The following CDKAL1 variants were observed in gnomAD, a reference collection of about 807,000 sequenced individuals.
CDKAL1 encodes the protein CDKAL1 threonylcarbamoyladenosine tRNA methylthiotransferase, also known as threonylcarbamoyladenosine tRNA methylthiotransferase.
A neutral mutation model predicts 68.2 loss-of-function variants in CDKAL1; 32 were observed. The ratio of observed to expected loss-of-function variants is 0.47; its 90% CI spans 0.35 to 0.63. CDKAL1 has a LOEUF of 0.63. Among genes scored for constraint, CDKAL1 ranks in the 30% least tolerant of loss-of-function variants. The pLI, the probability that CDKAL1 is intolerant of heterozygous loss-of-function variation, is 0.00. For missense variants in CDKAL1, 606 were observed against 696.7 expected, an observed-to-expected ratio of 0.87 and a Z score of 1.47; for synonymous variants, 234 against 244.3, an observed-to-expected ratio of 0.96 and a Z score of 0.39.
At chr6:20,712,060 A>G (rs1024726586) in intron 5 of CDKAL1, among the ~76,000 whole-genome samples, 1 of 152,182 alleles carries the variant, frequency 6.6e-6, no homozygotes. Flanking sequence ...AGCCCCTCAT[A>G]GGGTAAACAA....
chr6:20,693,268 CT>C (rs1770956803), intron 5 of CDKAL1, among the ~76,000 whole-genome samples: 1 of 151,672 alleles, frequency 6.6e-6, no homozygotes, highest in Admixed American at 6.6e-5. Context: ...TCTTTGTTTC[CT>C]TTTCAAATAT....
At chr6:21,125,786 T>A (rs967335846) in intron 13 of CDKAL1, among the ~76,000 whole-genome samples, 1 of 152,258 alleles carries the variant, frequency 6.6e-6, no homozygotes, top group Admixed American at 6.5e-5. Flanking sequence ...AAATCAGAGC[T>A]GCTGCTTCCT....
intron 10 of CDKAL1, among the ~76,000 whole-genome samples, chr6:20,975,632 G>T (rs1227315056): frequency 6.6e-6 from 1 of 151,962 alleles, no homozygotes; most frequent in African/African-American, 2.4e-5. Flanking sequence ...TAGTCTCTTT[G>T]ACTTAGTTAT....
At chr6:20,814,181 T>C (rs1359729261) in intron 8 of CDKAL1, among the ~76,000 whole-genome samples, 1 of 152,142 alleles carries the variant, frequency 6.6e-6, no homozygotes, top group Non-Finnish European at 1.5e-5. Flanking sequence ...TTTGTCATGT[T>C]ATTGTGAATG....
At chr6:20,805,874 T>G (rs748343259) in intron 8 of CDKAL1, among the ~76,000 whole-genome samples, 1 of 152,206 alleles carries the variant, frequency 6.6e-6, no homozygotes, top group African/African-American at 2.4e-5. Flanking sequence ...GAAAATAAAC[T>G]TAAGACTATT....
intron 9 of CDKAL1, among the ~76,000 whole-genome samples, chr6:20,937,965 C>T (rs1015525404): frequency 5.3e-5 from 8 of 151,778 alleles, no homozygotes; most frequent in Non-Finnish European, 7.4e-5. Context: ...CATGGATGAT[C>T]CTTGCCTCTG....
intron 9 of CDKAL1, among the ~76,000 whole-genome samples, chr6:20,942,288 T>G (rs1369746764): frequency 1.3e-5 from 2 of 152,068 alleles, no homozygotes; most frequent in Admixed American, 1.3e-4. Flanking sequence ...TTCTTGTCCT[T>G]TGTGCTATTG....
intron 9 of CDKAL1, among the ~76,000 whole-genome samples, chr6:20,922,009 A>G (rs1561886398): frequency 6.6e-6 from 1 of 152,242 alleles, no homozygotes; most frequent in Non-Finnish European, 1.5e-5. Flanking sequence ...GAAGTACCTC[A>G]GATGGTCCTG....
Position 21,214,859 on chromosome 6 carries a change from A to C in CDKAL1, c.1548+13585A>C, listed in dbSNP as rs1371733272. Among the ~76,000 whole-genome samples the C allele has an allele frequency of 2.0e-5, 3 of 148,224 alleles. No homozygotes were observed. In the East Asian group the frequency reaches 6.0e-4, roughly 29 times the overall value. ...AGGGCCTGGCAGGGAGCAAATGCTC[A>C]GTAAACGTCTGTTGGATGAATGAAT... On this transcript the variant is annotated intron_variant, in intron 15 of 15. Coordinates refer to ENST00000274695, the MANE Select transcript of CDKAL1 (RefSeq NM_017774.3).
intron 9 of CDKAL1, among the ~76,000 whole-genome samples, chr6:20,895,319 A>G (rs1216520486): frequency 2.0e-5 from 3 of 152,202 alleles, no homozygotes; most frequent in African/African-American, 7.2e-5. Flanking sequence ...GAACATTTGC[A>G]CTTATTTCCT....
At chr6:20,833,629 G>T (rs4568440) in intron 8 of CDKAL1, among the ~76,000 whole-genome samples, 145,968 of 152,260 alleles carry the variant, frequency 0.96, 69,982 homozygotes, top group East Asian at 1. Flanking sequence ...AAATCTCATC[G>T]TAAAAGGAAA....
chr6:20,616,344 G>A (rs1766898457), intron 4 of CDKAL1, among the ~76,000 whole-genome samples: 1 of 147,848 alleles, frequency 6.8e-6, no homozygotes, highest in Admixed American at 6.8e-5. Flanking sequence ...TGATGGGGAT[G>A]GCATTGAATC....
chr6:21,020,774 C>CTTTTTTTTTT (rs60084439), intron 11 of CDKAL1, among the ~76,000 whole-genome samples: 28 of 132,824 alleles, frequency 2.1e-4, no homozygotes, highest in African/African-American at 7.0e-4. Flanking sequence ...GCCTTTTTTC[C>CTTTTTTTTTT]TTTTTTTTTT....
chr6:20,598,836 CA>C (rs1321435211), intron 4 of CDKAL1, among the ~76,000 whole-genome samples: 4 of 151,916 alleles, frequency 2.6e-5, no homozygotes, highest in Non-Finnish European at 4.4e-5. Flanking sequence ...TTGTATGTAA[CA>C]AAAAAACTTA....
intron 9 of CDKAL1, among the ~76,000 whole-genome samples, chr6:20,854,751 A>G (rs1759234001): frequency 6.6e-6 from 1 of 152,268 alleles, no homozygotes; most frequent in Non-Finnish European, 1.5e-5. Flanking sequence ...TAGTGCAGTC[A>G]TCCCTCACTG....
intron 10 of CDKAL1, among the ~76,000 whole-genome samples, chr6:20,973,855 T>C (rs1038338621): frequency 3.3e-5 from 5 of 152,174 alleles, no homozygotes; most frequent in African/African-American, 1.2e-4. Context: ...TCTGCTCACC[T>C]CAGCCTCCCA....
intron 4 of CDKAL1, among the ~76,000 whole-genome samples, chr6:20,621,922 G>A (rs1767212678): frequency 6.6e-6 from 1 of 151,908 alleles, no homozygotes. Flanking sequence ...ATCTGGTGCT[G>A]GGTGTGCTTA....
At chr6:20,847,027 A>G (rs1447016050) in intron 9 of CDKAL1, among the ~76,000 whole-genome samples, 2 of 152,208 alleles carry the variant, frequency 1.3e-5, no homozygotes, top group African/African-American at 4.8e-5. Context: ...GGGTCTCAGA[A>G]AGTATGAGTT....
intron 11 of CDKAL1, among the ~76,000 whole-genome samples, chr6:21,059,529 C>T (rs1771024345): frequency 6.6e-6 from 1 of 152,204 alleles, no homozygotes; most frequent in Admixed American, 6.5e-5. Flanking sequence ...TCACCGCCTC[C>T]CTTGGCTGTG....
Sources: allele counts gnomAD v4.1 joint callset (sites outside exome capture counted in the v4.1 genomes callset), GRCh38; gene constraint gnomAD v4.1.1; transcripts MANE v1.5; gene names NCBI Gene and HGNC (gene_info 2026-07-23, HGNC 2026-07-21).